Variants in ROBO2 observed in about 807,000 individuals in gnomAD.
ROBO2 encodes roundabout homolog 2.
ROBO2 carries 53 observed loss-of-function variants against 160.8 expected under a neutral mutation model. The ratio of observed to expected loss-of-function variants is 0.33; its 90% CI spans 0.26 to 0.41. The LOEUF is 0.41. Ranked by LOEUF, ROBO2 falls within the 10% of genes least tolerant of loss-of-function variation. ROBO2 has a pLI of 1.00. For missense variants in ROBO2, 1,577 were observed against 1,722.4 expected (o/e 0.92, Z 1.49); for synonymous variants, 664 against 611.7 (o/e 1.09, Z -1.26).
Position 77,029,457 on chromosome 3 carries a change from CCTCT to C in ROBO2, c.110-68554_110-68551del, listed in dbSNP as rs200225234. Among the ~76,000 whole-genome samples the C allele has an allele frequency of 3.8e-3, 585 of 152,240 alleles. 3 individuals carry two copies. The highest frequency in any genetic ancestry group is 0.013 in the African/African-American group (560 of 41,550). ...AAGCTGTAAAAAGATGAGCGTTAAG[CCTCT>C]CTAAGATGACGTTAAATAAATTAAC... On this transcript the variant is annotated intron_variant, in intron 2 of 26. Coordinates refer to the ROBO2 transcript ENST00000487694.
intron 2 of ROBO2, among the ~76,000 whole-genome samples, chr3:77,418,264 CT>C (rs2077425791): frequency 6.6e-6 from 1 of 152,050 alleles, no homozygotes; most frequent in African/African-American, 2.4e-5. Flanking sequence ...CAAAAGTTTT[CT>C]TAGTATTTCT....
chr3:76,118,862 G>C (rs1442065748), intron 2 of ROBO2, among the ~76,000 whole-genome samples: 1 of 152,082 alleles, frequency 6.6e-6, no homozygotes, highest in Non-Finnish European at 1.5e-5. Flanking sequence ...AACAAAATGG[G>C]CACCGTTTAA....
In ROBO2 at chr3:76,060,326, G is replaced by A. The variant is rs372679723; in HGVS notation, c.109+122724G>A. ...CAGAATAGAAAAAAACCTAATATGG[G>A]TATTGTATTAATAATCACATGTGGT... On this transcript the variant is annotated intron_variant, in intron 2 of 26. Coordinates refer to the ROBO2 transcript ENST00000487694. 6.6e-4 allele frequency among the ~76,000 whole-genome samples: 100 copies of A among 152,244 alleles called. 1 individual carries two copies. The highest frequency in any genetic ancestry group is 2.3e-3 in the African/African-American group (97 of 41,556).
intron 2 of ROBO2, among the ~76,000 whole-genome samples, chr3:76,229,437 A>T (rs1054074284): frequency 2.0e-5 from 3 of 152,276 alleles, no homozygotes; most frequent in Non-Finnish European, 4.4e-5. Context: ...CAAGCAATAG[A>T]TGAATATCAT....
chr3:77,224,987 AT>A (rs1292277195), intron 2 of ROBO2, among the ~76,000 whole-genome samples: 2 of 151,792 alleles, frequency 1.3e-5, no homozygotes, highest in East Asian at 3.8e-4. Context: ...TCATTATATG[AT>A]TTTTTTACTT....
At chr3:75,987,657 T>C (rs969452507) in intron 2 of ROBO2, among the ~76,000 whole-genome samples, 1 of 152,066 alleles carries the variant, frequency 6.6e-6, no homozygotes, top group Non-Finnish European at 1.5e-5. Flanking sequence ...TTTCAGTCTT[T>C]TAACAGTGAG....
intron 2 of ROBO2, among the ~76,000 whole-genome samples, chr3:76,535,164 G>A (rs2082426551): frequency 6.6e-6 from 1 of 152,008 alleles, no homozygotes; most frequent in South Asian, 2.1e-4. Flanking sequence ...ATGAGTTGTG[G>A]AAGGGGGTAT....
At chr3:76,628,518 C>T (rs1183026080) in intron 2 of ROBO2, among the ~76,000 whole-genome samples, 1 of 151,044 alleles carries the variant, frequency 6.6e-6, no homozygotes, top group African/African-American at 2.4e-5. Context: ...TCACCTTCAG[C>T]TCCCAAACTG....
chr3:75,911,223 T>C (rs1442137033), intron 1 of ROBO2, among the ~76,000 whole-genome samples: 1 of 152,192 alleles, frequency 6.6e-6, no homozygotes, highest in African/African-American at 2.4e-5. Flanking sequence ...AGCGATCAAA[T>C]ACTTGCTTAG....
At chr3:76,572,316 CCAT>C (rs1187076381) in intron 2 of ROBO2, among the ~76,000 whole-genome samples, 3 of 152,188 alleles carry the variant, frequency 2.0e-5, no homozygotes, top group African/African-American at 7.2e-5. Context: ...TTTAACCACA[CCAT>C]CATCATCATC....
At chr3:76,763,279 G>A (rs1345961442) in intron 2 of ROBO2, among the ~76,000 whole-genome samples, 1 of 151,626 alleles carries the variant, frequency 6.6e-6, no homozygotes, top group Non-Finnish European at 1.5e-5. Flanking sequence ...CTACTTCTCT[G>A]GAATGTTGTG....
chr3:76,824,136 G>A (rs2066367270), intron 2 of ROBO2, among the ~76,000 whole-genome samples: 1 of 152,150 alleles, frequency 6.6e-6, no homozygotes, highest in Non-Finnish European at 1.5e-5. Flanking sequence ...GCCAGAAGGA[G>A]GAAGGGAATG....
At chr3:77,472,147 A>T (rs773632279) in intron 2 of ROBO2, among the ~76,000 whole-genome samples, 27 of 152,096 alleles carry the variant, frequency 1.8e-4, no homozygotes, top group Admixed American at 7.2e-4. Flanking sequence ...GAAGGTCACA[A>T]TCTTTTATAA....
chr3:76,211,264 G>T (rs1490346077), intron 2 of ROBO2, among the ~76,000 whole-genome samples: 1 of 151,976 alleles, frequency 6.6e-6, no homozygotes, highest in Non-Finnish European at 1.5e-5. Flanking sequence ...TGCTAACTTA[G>T]AAAATTTTAC....
At chr3:76,077,093 A>G (rs115553049) in intron 2 of ROBO2, among the ~76,000 whole-genome samples, 1,974 of 152,336 alleles carry the variant, frequency 0.013, 26 homozygotes, top group Non-Finnish European at 0.021. Flanking sequence ...CCCCAAAAAC[A>G]TAATTTTCAC....
intron 2 of ROBO2, among the ~76,000 whole-genome samples, chr3:77,428,557 C>A (rs944744187): frequency 2.0e-5 from 3 of 150,802 alleles, no homozygotes; most frequent in Non-Finnish European, 4.4e-5. Context: ...GGGGTTTCAC[C>A]TTGTTAGCCA....
intron 2 of ROBO2, among the ~76,000 whole-genome samples, chr3:77,439,062 G>T (rs1042628241): frequency 9.9e-5 from 15 of 151,644 alleles, no homozygotes; most frequent in African/African-American, 3.6e-4. Context: ...AATACAAAAG[G>T]ACAATATATA....
intron 2 of ROBO2, among the ~76,000 whole-genome samples, chr3:76,120,711 T>C (rs967064753): frequency 6.6e-6 from 1 of 152,170 alleles, no homozygotes; most frequent in Non-Finnish European, 1.5e-5. Flanking sequence ...TATTCAGTAA[T>C]GCAATTGTAA....
chr3:76,609,673 G>A (rs1231121838), intron 2 of ROBO2, among the ~76,000 whole-genome samples: 1 of 152,142 alleles, frequency 6.6e-6, no homozygotes, highest in South Asian at 2.1e-4. Flanking sequence ...AACAAATATA[G>A]TTTGACTTCT....
Sources: gnomAD v4.1 joint callset for allele counts (sites outside exome capture counted in the v4.1 genomes callset) on GRCh38, gnomAD v4.1.1 for gene constraint, MANE v1.5 for transcripts, NCBI Gene and HGNC (gene_info 2026-07-23, HGNC 2026-07-21) for gene names.